INTS8: variants seen among roughly 807,000 people sequenced by gnomAD.
INTS8 encodes integrator complex subunit 8.
Under a neutral mutation model 138.9 loss-of-function variants are expected in INTS8, and 47 were observed. That is an observed-to-expected ratio of 0.34 (90% CI 0.27 to 0.43). The LOEUF (loss-of-function observed/expected upper bound fraction) is 0.43. INTS8 is among the 20% of genes least tolerant of loss of function. The probability of loss-of-function intolerance (pLI) is 1.00; values close to 1 mark genes in which losing one functional copy is unlikely to be tolerated. For missense variants in INTS8, 996 were observed against 1,173.0 expected, an observed-to-expected ratio of 0.85 and a Z score of 2.20; for synonymous variants, 392 against 400.9, an observed-to-expected ratio of 0.98 and a Z score of 0.27.
At chr8:94,864,090 T>C (rs1452764234) in intron 16 of INTS8, among the ~76,000 whole-genome samples, 2 of 152,196 alleles carry the variant, frequency 1.3e-5, no homozygotes, top group Non-Finnish European at 2.9e-5. Flanking sequence ...TAGTTTAATA[T>C]GGTTTAACAA....
intron 2 of INTS8, among the ~76,000 whole-genome samples, chr8:94,826,775 G>A (rs1814521723): frequency 6.6e-6 from 1 of 152,126 alleles, no homozygotes; most frequent in Admixed American, 6.6e-5. Flanking sequence ...CTACTTTTAT[G>A]TTTTACGTTT....
chr8:94,832,601 C>T (rs938263258), intron 6 of INTS8, among the ~76,000 whole-genome samples: 1 of 152,060 alleles, frequency 6.6e-6, no homozygotes, highest in African/African-American at 2.4e-5. Flanking sequence ...CTCTGGGCCC[C>T]TTGTTCCTTT....
chr8:94,876,336 TA>T, intron 25 of INTS8, 51 bp downstream of exon 25: 6 of 1,483,920 alleles, frequency 4.0e-6, no homozygotes, highest in Non-Finnish European at 5.6e-6. Context: ...TTTTATAAAT[TA>T]AAGGAATATT....
rs768436666 is a variant in INTS8 at position 94,823,479 on chromosome 8, C to T, written c.48C>T (p.Pro16=). The T allele has an allele frequency of 7.7e-6, 12 of 1,551,176 alleles. No individual in the cohort carries two copies. Among genetic ancestry groups the T allele is most frequent in the South Asian group, 7.1e-5 (6 of 84,194 alleles). Residue 16 remains proline, a synonymous_variant, in exon 1 of 27, where the codon CCC becomes CCT. Transcript: ENST00000523731. ...ADREAATSSR[P]CTPPQTCWFE... is the part of the protein sequence containing the mutation. ...GGGAGGCGGCCACCTCCAGCCGGCCCTGCACCCCGCCGCAGACCTGCTGGT... is the reference window on the plus strand; with the variant it reads ...GGGAGGCGGCCACCTCCAGCCGGCCTTGCACCCCGCCGCAGACCTGCTGGT...
chr8:94,846,880 G>A (rs1380765065), intron 10 of INTS8, among the ~76,000 whole-genome samples: 2 of 152,146 alleles, frequency 1.3e-5, no homozygotes, highest in African/African-American at 4.8e-5. Flanking sequence ...ACCTGTTCAT[G>A]TGATAAAGTA....
intron 1 of INTS8, 43 bp downstream of exon 1, chr8:94,823,604 G>C (rs1324787311): frequency 4.8e-6 from 7 of 1,447,576 alleles, no homozygotes; most frequent in Non-Finnish European, 6.5e-6. Flanking sequence ...CCCGGCCACC[G>C]GCGCTGTCCG....
At chr8:94,841,380 T>C (rs948437878) in intron 8 of INTS8, 111 bp from the exon 9 acceptor site, 38 of 550,878 alleles carry the variant, frequency 6.9e-5, no homozygotes, top group Non-Finnish European at 1.1e-4. Context: ...TAGTAAGATA[T>C]TTTTGTGATT....
At chr8:94,850,517 T>C (rs943169623) in intron 12 of INTS8, among the ~76,000 whole-genome samples, 17 of 147,348 alleles carry the variant, frequency 1.2e-4, no homozygotes, top group Non-Finnish European at 1.9e-4. Flanking sequence ...GAGGCTGAGG[T>C]AGGAGAATGG....
At chr8:94,874,459 G>A in intron 22 of INTS8, 93 bp from the exon 23 acceptor site, 1 of 738,084 alleles carries the variant, frequency 1.4e-6, no homozygotes, top group Non-Finnish European at 2.5e-6. Context: ...TCCACACACA[G>A]CTTCCTCTTT....
intron 17 of INTS8, 115 bp downstream of exon 17, chr8:94,865,805 A>T (rs1456806847): frequency 1.0e-6 from 1 of 988,096 alleles, no homozygotes; most frequent in African/African-American, 1.6e-5. Flanking sequence ...TCTGTATATC[A>T]TAAAGTTGGA....
intron 20 of INTS8, 23 bp downstream of exon 20, chr8:94,867,360 T>C (rs376899050): frequency 1.3e-6 from 2 of 1,561,242 alleles, no homozygotes; most frequent in African/African-American, 2.7e-5. Flanking sequence ...ATAGCTTTTA[T>C]TTTATTAATT....
At chr8:94,874,247 GT>G (rs35033167) in intron 22 of INTS8, among the ~76,000 whole-genome samples, 111,761 of 148,406 alleles carry the variant, frequency 0.75, 41,953 homozygotes, top group Middle Eastern at 0.84. Context: ...AATTTTGTCC[GT>G]TTTTTTTTTT....
rs1197122600 is a variant in INTS8 at position 94,824,982 on chromosome 8, G to T, written c.220G>T (p.Asp74Tyr). ...ACAAAACCAAGTTCAACCTCCGCCT[G>T]ATAACAAGAGAAATCGTATTTTAAA... ...NEQNQVQPPPDNKRNRILKLL... is the reference protein window; with the variant it reads ...NEQNQVQPPPYNKRNRILKLL... Residue 74 changes from aspartate to tyrosine, a missense_variant, in exon 2 of 27, where the codon GAT becomes TAT. Transcript: ENST00000523731. The T allele has an allele frequency of 1.2e-6, 2 of 1,612,482 alleles. No individual in the cohort carries two copies. The highest frequency in any genetic ancestry group is 1.7e-6 in the Non-Finnish European group (2 of 1,178,806).
chr8:94,873,567 G>A (rs1056074260), intron 22 of INTS8, 90 bp downstream of exon 22: 32 of 778,210 alleles, frequency 4.1e-5, no homozygotes, highest in Middle Eastern at 4.7e-4. Context: ...CCATTTCCTT[G>A]TAATGTGATC....
At chr8:94,858,753 T>C (rs577742958) in intron 15 of INTS8, among the ~76,000 whole-genome samples, 3 of 152,354 alleles carry the variant, frequency 2.0e-5, no homozygotes, top group African/African-American at 7.2e-5. Flanking sequence ...CCAGCCCAGC[T>C]TCAAAGCCTG....
At chr8:94,849,254 C>G in intron 10 of INTS8, among the ~76,000 whole-genome samples, 1 of 152,248 alleles carries the variant, frequency 6.6e-6, no homozygotes, top group African/African-American at 2.4e-5. Flanking sequence ...TACACCTGCA[C>G]TTATTAAAAT....
intron 21 of INTS8, among the ~76,000 whole-genome samples, chr8:94,872,992 T>C (rs1242882900): frequency 6.6e-6 from 1 of 152,206 alleles, no homozygotes; most frequent in Non-Finnish European, 1.5e-5. Flanking sequence ...ACATCATTCC[T>C]CTCTCCTCTG....
At chr8:94,858,156 A>G (rs1815822103) in intron 15 of INTS8, among the ~76,000 whole-genome samples, 1 of 152,254 alleles carries the variant, frequency 6.6e-6, no homozygotes, top group South Asian at 2.1e-4. Flanking sequence ...TTTCTGCTTT[A>G]GAAGTATTTA....
intron 6 of INTS8, among the ~76,000 whole-genome samples, chr8:94,835,993 A>G (rs1457338310): frequency 1.3e-5 from 2 of 152,182 alleles, no homozygotes; most frequent in Non-Finnish European, 2.9e-5. Flanking sequence ...AGTTTTACAG[A>G]TGGGTATGCT....
Sources: allele counts gnomAD v4.1 joint callset (sites outside exome capture counted in the v4.1 genomes callset), GRCh38; gene constraint gnomAD v4.1.1; transcripts MANE v1.5; gene names NCBI Gene and HGNC (gene_info 2026-07-23, HGNC 2026-07-21).